The following CHCHD6 variants were observed in gnomAD, a reference collection of about 807,000 sequenced individuals.
CHCHD6 encodes MICOS complex subunit MIC25.
CHCHD6 carries 28 observed loss-of-function variants against 32.3 expected under a neutral mutation model. The observed-to-expected ratio is 0.87, with a 90% CI of 0.64 to 1.19. CHCHD6 has a LOEUF of 1.19. Among genes scored for constraint, CHCHD6 ranks in the 50% most tolerant of loss-of-function variants. The pLI is 0.00. For missense variants in CHCHD6, 333 were observed against 307.0 expected, an observed-to-expected ratio of 1.08 and a Z score of -0.63; for synonymous variants, 122 against 117.5, an observed-to-expected ratio of 1.04 and a Z score of -0.25.
intron 4 of CHCHD6, among the ~76,000 whole-genome samples, chr3:126,765,738 AC>A (rs1937343282): frequency 6.6e-6 from 1 of 151,922 alleles, no homozygotes; most frequent in South Asian, 2.1e-4. Context: ...CCTCTGCCCC[AC>A]CCCCAAGTCC....
At chr3:126,763,866 G>A (rs1368959575) in intron 4 of CHCHD6, among the ~76,000 whole-genome samples, 3 of 152,142 alleles carry the variant, frequency 2.0e-5, no homozygotes, top group Non-Finnish European at 4.4e-5. Context: ...GTGGGATGAT[G>A]CAAAAGTTTT....
intron 4 of CHCHD6, among the ~76,000 whole-genome samples, chr3:126,773,699 A>G (rs1383938514): frequency 7.0e-6 from 1 of 143,618 alleles, no homozygotes; most frequent in Admixed American, 7.5e-5. Context: ...TCTGCCTCCC[A>G]GGTTCAAGCA....
chr3:126,790,832 C>T (rs972535293), intron 4 of CHCHD6, among the ~76,000 whole-genome samples: 1 of 152,236 alleles, frequency 6.6e-6, no homozygotes, highest in African/African-American at 2.4e-5. Flanking sequence ...TTGTCAAAGT[C>T]ATTCTCCATC....
At chr3:126,873,377 A>G (rs1024971812) in intron 5 of CHCHD6, among the ~76,000 whole-genome samples, 1 of 152,056 alleles carries the variant, frequency 6.6e-6, no homozygotes, top group African/African-American at 2.4e-5. Context: ...TTTCAAGTCC[A>G]TTATTCAGTG....
chr3:126,744,324 T>C (rs767217900), intron 4 of CHCHD6, among the ~76,000 whole-genome samples: 19 of 152,242 alleles, frequency 1.2e-4, no homozygotes, highest in Non-Finnish European at 2.4e-4. Flanking sequence ...GTCAAGCCGA[T>C]TGTGTTTGCC....
At chr3:126,864,695 C>G (rs1474594884) in intron 5 of CHCHD6, among the ~76,000 whole-genome samples, 7 of 145,414 alleles carry the variant, frequency 4.8e-5, no homozygotes, top group Admixed American at 6.8e-5. Context: ...TCCTCCTCCA[C>G]CATCATCTCC....
chr3:126,782,197 G>A (rs1576409217), intron 4 of CHCHD6, among the ~76,000 whole-genome samples: 1 of 152,184 alleles, frequency 6.6e-6, no homozygotes. Context: ...ACCAGAACCC[G>A]TGAACATTAA....
intron 6 of CHCHD6, among the ~76,000 whole-genome samples, chr3:126,915,045 T>A (rs1421182695): frequency 6.6e-6 from 1 of 152,254 alleles, no homozygotes; most frequent in Non-Finnish European, 1.5e-5. Context: ...TTTCCTTGTG[T>A]GGCTAGCTGA....
intron 4 of CHCHD6, among the ~76,000 whole-genome samples, chr3:126,822,629 GA>G (rs1441687005): frequency 6.6e-6 from 1 of 152,192 alleles, no homozygotes; most frequent in Non-Finnish European, 1.5e-5. Flanking sequence ...ATTTTGATAG[GA>G]AATGTATTGA....
chr3:126,761,743 A>G (rs1937168966), intron 4 of CHCHD6, among the ~76,000 whole-genome samples: 1 of 152,086 alleles, frequency 6.6e-6, no homozygotes, highest in Non-Finnish European at 1.5e-5. Flanking sequence ...ATTCTTCTTT[A>G]AATGTTTGGT....
intron 5 of CHCHD6, among the ~76,000 whole-genome samples, chr3:126,853,404 T>C (rs76550451): frequency 6.6e-6 from 1 of 152,074 alleles, no homozygotes; most frequent in African/African-American, 2.4e-5. Flanking sequence ...AAAAAAAAAT[T>C]GTTCCCCCTC....
At chr3:126,883,728 C>G (rs144994491) in intron 5 of CHCHD6, among the ~76,000 whole-genome samples, 5 of 152,294 alleles carry the variant, frequency 3.3e-5, no homozygotes, top group African/African-American at 1.2e-4. Flanking sequence ...CAGCACAACC[C>G]GTGTGCCATG....
intron 4 of CHCHD6, among the ~76,000 whole-genome samples, chr3:126,849,035 A>G (rs1243155107): frequency 6.6e-6 from 1 of 152,232 alleles, no homozygotes; most frequent in East Asian, 1.9e-4. Context: ...GTGATATTGC[A>G]GAGCCAGGAA....
intron 5 of CHCHD6, among the ~76,000 whole-genome samples, chr3:126,859,429 G>A (rs1209098346): frequency 6.6e-6 from 1 of 152,182 alleles, no homozygotes; most frequent in Admixed American, 6.5e-5. Context: ...AAATTTAGGT[G>A]AGCCACTACA....
chr3:126,881,668 T>A (rs1166397790), intron 5 of CHCHD6, among the ~76,000 whole-genome samples: 1 of 152,210 alleles, frequency 6.6e-6, no homozygotes, highest in African/African-American at 2.4e-5. Flanking sequence ...AAGGAGCTTC[T>A]CGAAGGAGTC....
intron 3 of CHCHD6, among the ~76,000 whole-genome samples, chr3:126,732,674 A>G (rs552080195): frequency 6.6e-4 from 100 of 152,260 alleles, no homozygotes; most frequent in Non-Finnish European, 1.3e-3. Context: ...GTCAAAGGGT[A>G]GGAAGATATT....
At chr3:126,775,898 G>A (rs1937632998) in intron 4 of CHCHD6, among the ~76,000 whole-genome samples, 1 of 152,218 alleles carries the variant, frequency 6.6e-6, no homozygotes, top group African/African-American at 2.4e-5. Flanking sequence ...ACTGGGTGCA[G>A]GTGCGGATTT....
intron 5 of CHCHD6, among the ~76,000 whole-genome samples, chr3:126,885,547 A>G (rs2077668023): frequency 6.6e-6 from 1 of 152,218 alleles, no homozygotes; most frequent in South Asian, 2.1e-4. Flanking sequence ...GTTTTGTGTA[A>G]AAATTCTTGC....
At chr3:126,934,628 A>G (rs2107600197) in intron 6 of CHCHD6, among the ~76,000 whole-genome samples, 1 of 140,392 alleles carries the variant, frequency 7.1e-6, no homozygotes, top group South Asian at 2.2e-4. Flanking sequence ...GGCTCACTGC[A>G]AGCTCTGCCT....
Sources: allele counts gnomAD v4.1 joint callset (sites outside exome capture counted in the v4.1 genomes callset), GRCh38; gene constraint gnomAD v4.1.1; transcripts MANE v1.5; gene names NCBI Gene and HGNC (gene_info 2026-07-23, HGNC 2026-07-21).